The following ADAMTS20 variants were observed in gnomAD, a reference collection of about 807,000 sequenced individuals.
ADAMTS20 encodes the protein A disintegrin and metalloproteinase with thrombospondin motifs 20.
Under a neutral mutation model 260.1 loss-of-function variants are expected in ADAMTS20, and 225 were observed. The ratio of observed to expected loss-of-function variants is 0.87; its 90% confidence interval spans 0.78 to 0.97. The LOEUF (loss-of-function observed/expected upper bound fraction) is 0.97, where lower values mean the gene tolerates loss of function less well. ADAMTS20 is among the 50% of genes least tolerant of loss of function. The pLI is 0.00. For synonymous variants in ADAMTS20, 802 were observed against 769.5 expected (o/e 1.04, Z -0.70); for missense variants, 2,400 against 2,337.7 (o/e 1.03, Z -0.55).
chr12:43,462,975 T>G lies in ADAMTS20; in HGVS notation c.1534A>C (p.Thr512Pro). The G allele has an allele frequency of 6.2e-7, 1 of 1,606,774 alleles. No homozygotes were observed. ...CCTTTGTGAAGCTTTTCTGTGCTTGTGCACCACAGATGCATGCATATATTC... is the reference window on the plus strand; with the variant it reads ...CCTTTGTGAAGCTTTTCTGTGCTTGGGCACCACAGATGCATGCATATATTC... Reference protein sequence around the residue: ...HINICMHLWCTSTEKLHKGCF... With the variant: ...HINICMHLWCPSTEKLHKGCF... Residue 512 changes from threonine to proline, a missense_variant, in exon 11 of 39, where the codon ACA becomes CCA. By Grantham distance (38) the Thr-to-Pro change is conservative. Transcript: ENST00000389420.
At chr12:43,435,981 C>T (rs991524768) in intron 18 of ADAMTS20, among the ~76,000 whole-genome samples, 1 of 152,020 alleles carries the variant, frequency 6.6e-6, no homozygotes, top group Admixed American at 6.6e-5. Context: ...TTTGTGCTTC[C>T]AGTTAACTAA....
At chr12:43,358,836 CAAA>C (rs151206551) in intron 37 of ADAMTS20, among the ~76,000 whole-genome samples, 1 of 61,254 alleles carries the variant, frequency 1.6e-5, no homozygotes, top group Non-Finnish European at 3.3e-5. Context: ...AACTCCGTCT[CAAA>C]AAAAAAAAAA....
At chr12:43,502,503 T>C in intron 3 of ADAMTS20, 98 bp from the exon 4 acceptor site, 1 of 1,072,192 alleles carries the variant, frequency 9.3e-7, no homozygotes, top group Non-Finnish European at 1.3e-6. Context: ...AATACTTACA[T>C]ATCTGTTCCC....
rs1050097455 is a variant in ADAMTS20, at chr12:43,419,678, T to G, written c.4284+5836A>C. On this transcript the variant is annotated intron_variant, in intron 28 of 38. Transcript: ENST00000389420. ...CCTATAACCATTTCATATTGAGAGT[T>G]TTTAGGGTTATTTTATACTGTACAT... 2.6e-5 allele frequency among the ~76,000 whole-genome samples: 4 copies of G among 151,862 alleles called. No individual in the cohort carries two copies. In the East Asian group the frequency reaches 5.8e-4, roughly 22 times the overall value.
intron 3 of ADAMTS20, among the ~76,000 whole-genome samples, chr12:43,512,955 T>C (rs920827818): frequency 2.6e-5 from 4 of 152,184 alleles, no homozygotes; most frequent in African/African-American, 9.7e-5. Flanking sequence ...TTGGTAAATG[T>C]TGATTCCTAG....
intron 28 of ADAMTS20, among the ~76,000 whole-genome samples, chr12:43,404,321 C>T (rs1233037073): frequency 6.6e-6 from 1 of 152,018 alleles, no homozygotes; most frequent in Non-Finnish European, 1.5e-5. Context: ...CCATGAACCA[C>T]AGGATCTTGC....
chr12:43,377,579 T>C lies in ADAMTS20; in HGVS notation c.4798-17A>G, dbSNP rs756226392. The C allele has an allele frequency of 4.3e-5, 69 of 1,591,134 alleles. No homozygotes were observed. The highest frequency in any genetic ancestry group is 6.8e-5 in the South Asian group (6 of 88,392). ...GTTTGCACACTGAAAAATACATAAT[T>C]ACAAGAAAGAAAATGTCATTAACTT... On this transcript the variant is annotated splice_polypyrimidine_tract_variant and intron_variant, in intron 31 of 38. Coordinates refer to ENST00000389420, the MANE Select transcript of ADAMTS20 (RefSeq NM_025003.5).
In ADAMTS20 at chr12:43,511,799, C is replaced by T. The variant is rs575073219; in HGVS notation, c.614-9394G>A. ...AGGAAACACATTTTACACTTCTTCA[C>T]TAACATGCAACAATCCATTTTTTAA... On this transcript the variant is annotated intron_variant, in intron 3 of 38. Transcript: ENST00000389420. 6.4e-4 allele frequency among the ~76,000 whole-genome samples: 98 copies of T among 152,196 alleles called. 1 individual carries two copies. The South Asian group carries it at 0.015, about 23-fold the overall frequency.
chr12:43,520,136 T>C (rs1352985962), intron 3 of ADAMTS20, among the ~76,000 whole-genome samples: 5 of 152,232 alleles, frequency 3.3e-5, no homozygotes, highest in South Asian at 4.1e-4. Flanking sequence ...TTGGAGGATG[T>C]AGGTGAAGAG....
Position 43,383,957 on chromosome 12 carries a change from A to G in ADAMTS20, c.4473T>C (p.Ser1491=), listed in dbSNP as rs1488859849. The change falls in exon 30 of 39, where the codon TCT becomes TCC. Residue 1491 remains serine, a synonymous_variant. Transcript: ENST00000389420. The part of the protein sequence containing the change: ...SWNECSVTCG[S]GVQQRDVYCR... ...AGTATACATCCCTCTGCTGAACTCCAGAGCCACAGGTCACAGAGCACTACA... is the reference window on the plus strand; with the variant it reads ...AGTATACATCCCTCTGCTGAACTCCGGAGCCACAGGTCACAGAGCACTACA... 7 of 1,613,682 alleles carry G rather than the reference A, an allele frequency of 4.3e-6. No individual in the cohort carries two copies. Among genetic ancestry groups the G allele is most frequent in the Non-Finnish European group, 5.9e-6 (7 of 1,179,784 alleles).
chr12:43,457,672 C>T (rs1379814201), intron 11 of ADAMTS20, among the ~76,000 whole-genome samples: 1 of 152,198 alleles, frequency 6.6e-6, no homozygotes, highest in Non-Finnish European at 1.5e-5. Context: ...GATACATTAG[C>T]TAGAATAAAT....
At chr12:43,508,323 G>A (rs1942874321) in intron 3 of ADAMTS20, among the ~76,000 whole-genome samples, 2 of 152,072 alleles carry the variant, frequency 1.3e-5, no homozygotes, top group South Asian at 4.1e-4. Flanking sequence ...AGGTGCTATT[G>A]TTAATCTCAT....
In ADAMTS20 at chr12:43,464,576, A is replaced by T; in HGVS notation, c.1509+15T>A. 1 of 1,605,236 alleles carries T rather than the reference A, an allele frequency of 6.2e-7. No homozygotes were observed. Among genetic ancestry groups the T allele is most frequent in the South Asian group, 1.1e-5 (1 of 89,280 alleles). ...GGCAGTTTTCGAACAAAATAAAGGA[A>T]TTTTCTTTTCTTACTATATGGGGAC... On this transcript the variant is annotated intron_variant, in intron 10 of 38. Coordinates refer to ENST00000389420, the MANE Select transcript of ADAMTS20 (RefSeq NM_025003.5).
chr12:43,550,812 G>A (rs1943501006), intron 2 of ADAMTS20, 97 bp downstream of exon 2: 2 of 1,429,846 alleles, frequency 1.4e-6, no homozygotes, highest in Non-Finnish European at 1.8e-6. Flanking sequence ...GAACTCCAGG[G>A]TCATCAGCCA....
At chr12:43,515,653 G>A (rs771334014) in intron 3 of ADAMTS20, among the ~76,000 whole-genome samples, 2 of 152,068 alleles carry the variant, frequency 1.3e-5, no homozygotes, top group Non-Finnish European at 1.5e-5. Flanking sequence ...ACTTAGAGAT[G>A]TAATTAAAAG....
chr12:43,385,918 C>T (rs951624678), intron 29 of ADAMTS20, among the ~76,000 whole-genome samples: 3 of 152,082 alleles, frequency 2.0e-5, no homozygotes, highest in Admixed American at 6.6e-5. Flanking sequence ...TTCATTTCTT[C>T]GAGATTTTCT....
intron 4 of ADAMTS20, among the ~76,000 whole-genome samples, chr12:43,496,872 G>T (rs1281038919): frequency 6.6e-6 from 1 of 151,986 alleles, no homozygotes; most frequent in African/African-American, 2.4e-5. Context: ...TTAAATCTAT[G>T]AGACAGAGAT....
At position 43,468,136 on chromosome 12, in the gene ADAMTS20, T is replaced by A. The variant is rs1425544953; in HGVS notation, c.1223+464A>T. On this transcript the variant is annotated intron_variant, in intron 8 of 38. Coordinates refer to ENST00000389420, the MANE Select transcript of ADAMTS20 (RefSeq NM_025003.5). Reference sequence around the variant, plus strand: ...GCAACTATGGAAAAAGTGAATACTTTAAAAAAAATCTTTTAGTAACTAAGA... The same window carrying A: ...GCAACTATGGAAAAAGTGAATACTTAAAAAAAAATCTTTTAGTAACTAAGA... Among the ~76,000 whole-genome samples, 156 of 152,160 alleles carry A rather than the reference T, an allele frequency of 1.0e-3. 2 individuals are homozygous for A. The highest frequency in any genetic ancestry group is 2.1e-4 in the South Asian group (1 of 4,828).
intron 38 of ADAMTS20, among the ~76,000 whole-genome samples, chr12:43,355,742 C>A (rs1208160191): frequency 6.6e-6 from 1 of 152,056 alleles, no homozygotes; most frequent in Non-Finnish European, 1.5e-5. Context: ...ACACAATAAC[C>A]ATAAGTAATA....
Sources: gnomAD v4.1 joint callset for allele counts (sites outside exome capture counted in the v4.1 genomes callset) on GRCh38, gnomAD v4.1.1 for gene constraint, MANE v1.5 for transcripts, NCBI Gene and HGNC (gene_info 2026-07-23, HGNC 2026-07-21) for gene names.